TTC39B: variants seen among roughly 807,000 people sequenced by gnomAD.
TTC39B encodes the protein tetratricopeptide repeat domain 39B.
In TTC39B, 92 loss-of-function variants were observed where a neutral mutation model predicts 96.6. The ratio of observed to expected loss-of-function variants is 0.95; its 90% CI spans 0.80 to 1.13. TTC39B has a LOEUF of 1.13. TTC39B is among the 50% of genes most tolerant of loss of function. TTC39B has a pLI of 0.00. For synonymous variants in TTC39B, 367 were observed against 299.4 expected (o/e 1.23, Z -2.33); for missense variants, 955 against 809.3 (o/e 1.18, Z -2.18).
Position 15,189,670 on chromosome 9 carries a change from C to G in TTC39B, c.1174-37G>C, listed in dbSNP as rs1586832982. On this transcript the variant is annotated intron_variant, in intron 12 of 19. Coordinates refer to ENST00000512701, the Ensembl canonical transcript of TTC39B. ...GGAAGAAAACACACTGTTCAACAGT[C>G]AACACTGGCTGATTAATTATGGTTG... 3.1e-6 allele frequency: 5 copies of G among 1,614,042 alleles called. No individual in the cohort carries two copies. In the South Asian group the frequency reaches 3.3e-5, roughly 11 times the overall value.
At chr9:15,277,155 G>A (rs1351927463) in intron 1 of TTC39B, among the ~76,000 whole-genome samples, 5 of 152,212 alleles carry the variant, frequency 3.3e-5, no homozygotes, top group South Asian at 2.1e-4. Context: ...TGGGCTGGGC[G>A]CAGTGGCTCA....
chr9:15,245,147 A>G (rs539688358), intron 2 of TTC39B, among the ~76,000 whole-genome samples: 30 of 152,340 alleles, frequency 2.0e-4, no homozygotes, highest in Middle Eastern at 6.8e-3. Flanking sequence ...TGAATGAATG[A>G]CATTCTTCCT....
chr9:15,192,714 G>C lies in TTC39B; in HGVS notation c.825-19C>G, dbSNP rs911348614. 1.9e-6 allele frequency: 3 copies of C among 1,569,560 alleles called. No homozygotes were observed. Among genetic ancestry groups the C allele is most frequent in the Non-Finnish European group, 1.8e-6 (2 of 1,141,706 alleles). On this transcript the variant is annotated intron_variant, in intron 8 of 19. Coordinates refer to ENST00000512701, the Ensembl canonical transcript of TTC39B. The stretch of plus-strand genomic sequence containing the variant: ...ACATTCTCTGGGTTGAAGAAAAAAA[G>C]TGACAGCATAAGTTGACCATGACTC...
Position 15,267,880 on chromosome 9 carries a change from C to T in TTC39B, c.275+34G>A, listed in dbSNP as rs759316319. On this transcript the variant is annotated intron_variant, in intron 2 of 19. Transcript: ENST00000512701. Reference sequence around the variant, plus strand: ...TATGTAAGACAACCATCAATTTTTCCTTACTACATACTTTTTATTATGTTA... The same window carrying T: ...TATGTAAGACAACCATCAATTTTTCTTTACTACATACTTTTTATTATGTTA... 9.5e-6 allele frequency: 15 copies of T among 1,575,548 alleles called. No individual in the cohort carries two copies. The African/African-American group carries it at 1.6e-4, about 17-fold the overall frequency.
intron 2 of TTC39B, among the ~76,000 whole-genome samples, chr9:15,258,647 C>T (rs1822839871): frequency 6.6e-6 from 1 of 152,130 alleles, no homozygotes; most frequent in Admixed American, 6.6e-5. Flanking sequence ...AGCATTGCTA[C>T]CAGGGCTGAG....
At chr9:15,204,102 T>A (rs991055027) in intron 6 of TTC39B, among the ~76,000 whole-genome samples, 4 of 152,160 alleles carry the variant, frequency 2.6e-5, no homozygotes, top group Admixed American at 6.6e-5. Context: ...AGGGAAGTCA[T>A]CCCCATTCAA....
intron 1 of TTC39B, among the ~76,000 whole-genome samples, chr9:15,296,725 T>C (rs1824392698): frequency 6.6e-6 from 1 of 152,156 alleles, no homozygotes; most frequent in African/African-American, 2.4e-5. Context: ...AAATTCCTGA[T>C]CTCAGGTGAT....
At chr9:15,202,468 T>A (rs1819595569) in intron 7 of TTC39B, among the ~76,000 whole-genome samples, 1 of 152,120 alleles carries the variant, frequency 6.6e-6, no homozygotes, top group Non-Finnish European at 1.5e-5. Context: ...TCCCAGCACT[T>A]TGGGAGGCCG....
chr9:15,262,202 G>A (rs1328129447), intron 2 of TTC39B, among the ~76,000 whole-genome samples: 1 of 152,132 alleles, frequency 6.6e-6, no homozygotes, highest in Non-Finnish European at 1.5e-5. Flanking sequence ...GGGTTCAAGT[G>A]ATTCTCCTGC....
rs1272196083 is a variant in TTC39B at position 15,187,968 on chromosome 9, T to C, written c.1395+3A>G. 1.3e-6 allele frequency: 2 copies of C among 1,567,268 alleles called. No individual in the cohort carries two copies. Among genetic ancestry groups the C allele is most frequent in the Non-Finnish European group, 1.7e-6 (2 of 1,159,978 alleles). On this transcript the variant is annotated splice_donor_region_variant and intron_variant, in intron 14 of 19. Transcript: ENST00000512701. ...TGACATTAATGAAAGTATTGCACTT[T>C]ACCTTGGACCATTTACTCTCTTTGC...
At chr9:15,304,344 G>C (rs1358125238) in intron 1 of TTC39B, among the ~76,000 whole-genome samples, 2 of 152,146 alleles carry the variant, frequency 1.3e-5, no homozygotes, top group African/African-American at 4.8e-5. Context: ...CAAATATTAA[G>C]AAACAAGCTT....
intron 2 of TTC39B, among the ~76,000 whole-genome samples, chr9:15,238,687 A>G (rs1374212937): frequency 6.6e-6 from 1 of 152,196 alleles, no homozygotes; most frequent in Non-Finnish European, 1.5e-5. Flanking sequence ...AATCAGTATC[A>G]TTAAAATGAC....
intron 17 of TTC39B, among the ~76,000 whole-genome samples, chr9:15,178,621 T>C (rs1818087542): frequency 6.6e-6 from 1 of 152,240 alleles, no homozygotes; most frequent in Non-Finnish European, 1.5e-5. Flanking sequence ...TATCAGAACA[T>C]CATTTTATTA....
chr9:15,188,122 A>C, exon 14 of TTC39B: 1 of 1,601,598 alleles, frequency 6.2e-7, no homozygotes, highest in Non-Finnish European at 8.5e-7. Context: ...TTTTTGAAAT[A>C]CTTCTTGTGC....
At chr9:15,204,422 G>A (rs1247360013) in intron 6 of TTC39B, among the ~76,000 whole-genome samples, 5 of 152,036 alleles carry the variant, frequency 3.3e-5, no homozygotes, top group South Asian at 4.2e-4. Flanking sequence ...CCAGCTATTC[G>A]GGAGGCTGAG....
rs559516166 is a variant in TTC39B at position 15,192,152 on chromosome 9, T to G, written c.930+438A>C. 3.5e-4 allele frequency among the ~76,000 whole-genome samples: 54 copies of G among 152,290 alleles called. 1 individual carries two copies. The highest frequency in any genetic ancestry group is 5.9e-4 in the Non-Finnish European group (40 of 68,016). ...ATTCCAGTGAACCATCAATAAAATT[T>G]AAAAATCTCTTAATCACATATTGGA... On this transcript the variant is annotated intron_variant, in intron 9 of 19. Coordinates refer to ENST00000512701, the Ensembl canonical transcript of TTC39B.
At chr9:15,188,351 G>A (rs1238120524) in intron 13 of TTC39B, among the ~76,000 whole-genome samples, 2 of 152,106 alleles carry the variant, frequency 1.3e-5, no homozygotes, top group Non-Finnish European at 2.9e-5. Flanking sequence ...TTGTAATGTG[G>A]GAGTGGGGAG....
At chr9:15,223,443 A>C (rs914856903) in intron 3 of TTC39B, among the ~76,000 whole-genome samples, 1 of 152,176 alleles carries the variant, frequency 6.6e-6, no homozygotes, top group Non-Finnish European at 1.5e-5. Flanking sequence ...TTAAATGGTG[A>C]CCCAAACTCT....
rs568188840 is a variant in TTC39B, at chr9:15,205,526, G to A, written c.692-1636C>T. Among the ~76,000 whole-genome samples, 11 of 152,220 alleles carry A rather than the reference G, an allele frequency of 7.2e-5. No individual in the cohort carries two copies. The South Asian group carries it at 2.1e-3, about 29-fold the overall frequency. ...GGTCTTCAACAGTACACAGAAAGAT[G>A]GGGCCAAAGCCATTAACAGACCAAA... On this transcript the variant is annotated intron_variant, in intron 6 of 19. Transcript: ENST00000512701.
Sources: allele counts gnomAD v4.1 joint callset (sites outside exome capture counted in the v4.1 genomes callset), GRCh38; gene constraint gnomAD v4.1.1; transcripts MANE v1.5; gene names NCBI Gene and HGNC (gene_info 2026-07-23, HGNC 2026-07-21).